TMEM59: variants seen among roughly 807,000 people sequenced by gnomAD.
The protein encoded by TMEM59 is transmembrane protein 59, also known as dendritic cell factor 1.
In TMEM59, 44 loss-of-function variants were observed where a neutral mutation model predicts 42.2. The ratio of observed to expected loss-of-function variants is 1.04; its 90% CI spans 0.82 to 1.34. TMEM59 has a LOEUF of 1.34. Among genes scored for constraint, TMEM59 ranks in the 40% most tolerant of loss-of-function variants. The probability of loss-of-function intolerance (pLI) is 0.00; values close to 1 mark genes in which losing one functional copy is unlikely to be tolerated. For missense variants in TMEM59, 359 were observed against 382.8 expected (o/e 0.94, Z 0.52); for synonymous variants, 148 against 145.8 (o/e 1.02, Z -0.11).
rs1008579388 is a variant in TMEM59, at chr1:54,040,489, G to A, written c.707+267C>T. Among the ~76,000 whole-genome samples the A allele has an allele frequency of 1.2e-4, 18 of 152,308 alleles. No homozygotes were observed. The South Asian group carries it at 3.7e-3, about 32-fold the overall frequency. ...TTAAATTAAAGCTTAATTTAAATGTGTGGAGAAGCACATTCAACATAAATC... is the reference window on the plus strand; with the variant it reads ...TTAAATTAAAGCTTAATTTAAATGTATGGAGAAGCACATTCAACATAAATC... On this transcript the variant is annotated intron_variant, in intron 6 of 7. Coordinates refer to ENST00000234831, the MANE Select transcript of TMEM59 (RefSeq NM_004872.5).
At chr1:54,044,854 C>G (rs1048288662) in intron 3 of TMEM59, 17 of 152,006 alleles carry the variant, frequency 1.1e-4, no homozygotes, top group African/African-American at 4.1e-4. Context: ...TTAGTAGAAG[C>G]TCTTTATGTA....
chr1:54,050,585 CAG>C (rs1657499200), intron 1 of TMEM59, among the ~76,000 whole-genome samples: 1 of 135,510 alleles, frequency 7.4e-6, no homozygotes, highest in Non-Finnish European at 1.5e-5. Flanking sequence ...TTTTTTGATG[CAG>C]AGTTTCCCTC....
rs776829646 is a variant in TMEM59 at position 54,053,072 on chromosome 1, G to A, written c.117C>T (p.Asp39=). The A allele has an allele frequency of 1.9e-6, 3 of 1,614,138 alleles. No homozygotes were observed. The highest frequency in any genetic ancestry group is 1.7e-5 in the Admixed American group (1 of 60,008). The change falls in exon 1 of 8, where the codon GAC becomes GAT. Residue 39 remains aspartate (D), a synonymous_variant. Transcript: ENST00000234831. ...GSGTASAEAF[D]SVLGDTASCH... ...AAGACGCCGTATCACCCAAGACCGA[G>A]TCAAATGCTTCAGCCGAAGCGGTCC...
intron 3 of TMEM59, 82 bp from the exon 4 acceptor site, chr1:54,043,607 A>G (rs748510655): frequency 6.5e-5 from 61 of 941,744 alleles, no homozygotes; most frequent in Non-Finnish European, 8.3e-5. Context: ...GATTACTCCA[A>G]TCCTTATTGG....
At chr1:54,040,430 G>A (rs1657100777) in intron 6 of TMEM59, among the ~76,000 whole-genome samples, 1 of 152,148 alleles carries the variant, frequency 6.6e-6, no homozygotes, top group African/African-American at 2.4e-5. Context: ...TGGGATTACA[G>A]GCATGAGCCA....
intron 6 of TMEM59, among the ~76,000 whole-genome samples, chr1:54,037,998 G>A (rs952010316): frequency 6.6e-6 from 1 of 152,096 alleles, no homozygotes; most frequent in Non-Finnish European, 1.5e-5. Context: ...AGATCCTACA[G>A]ATTTTCAACT....
At chr1:54,053,232 T>G, upstream of TMEM59, 1 of 1,602,244 alleles carries the variant, frequency 6.2e-7, no homozygotes, top group Admixed American at 1.7e-5. Context: ...TGCTGTTTTC[T>G]CGGAAGGGTT....
At chr1:54,053,285 C>A, upstream of TMEM59, 1 of 1,443,522 alleles carries the variant, frequency 6.9e-7, no homozygotes, top group Non-Finnish European at 9.3e-7. Context: ...GCCCCACCGA[C>A]CGTTGCTTCC....
rs534783914 is a variant in TMEM59 at position 54,045,801 on chromosome 1, T to C, written c.296-15A>G. On this transcript the variant is annotated splice_polypyrimidine_tract_variant and intron_variant, in intron 2 of 7. Transcript: ENST00000234831. Reference sequence around the variant, plus strand: ...TTCTGTACATGCTGTAAGAGAAAAATAGTCAAATTACAAGAAACAAAAGAG... The same window carrying C: ...TTCTGTACATGCTGTAAGAGAAAAACAGTCAAATTACAAGAAACAAAAGAG... 1.3e-5 allele frequency: 20 copies of C among 1,584,050 alleles called. No homozygotes were observed. In the East Asian group the frequency reaches 2.3e-4, roughly 18 times the overall value.
intron 1 of TMEM59, among the ~76,000 whole-genome samples, chr1:54,049,428 A>G (rs1236836619): frequency 6.6e-6 from 1 of 152,236 alleles, no homozygotes; most frequent in East Asian, 1.9e-4. Flanking sequence ...CAGGCACTGT[A>G]TTAAGACTTA....
intron 4 of TMEM59, among the ~76,000 whole-genome samples, 172 bp downstream of exon 4, chr1:54,043,201 A>G (rs1324148123): frequency 6.6e-6 from 1 of 152,228 alleles, no homozygotes; most frequent in East Asian, 1.9e-4. Context: ...GGCAAAGGGA[A>G]GGGTAATAAA....
At chr1:54,045,830 GGGAAAGA>G (rs753504233) in intron 2 of TMEM59, 44 bp from the exon 3 acceptor site, 81 of 1,506,262 alleles carry the variant, frequency 5.4e-5, no homozygotes, top group Non-Finnish European at 6.3e-5. Flanking sequence ...AAAAGAGAAA[GGGAAAGA>G]GGAAAGAAAA....
At chr1:54,042,079 G>C (rs1328989850) in intron 4 of TMEM59, among the ~76,000 whole-genome samples, 1 of 149,106 alleles carries the variant, frequency 6.7e-6, no homozygotes, top group Non-Finnish European at 1.5e-5. Flanking sequence ...TTTAAAGGGA[G>C]AGAGGGACAA....
In TMEM59 at chr1:54,045,676, C is replaced by G. The variant is rs55897033; in HGVS notation, c.390+16G>C. On this transcript the variant is annotated intron_variant, in intron 3 of 7. Transcript: ENST00000234831. ...CATCTAAGCAGGCTAGTTTGAAAGG[C>G]AGTATTGTTTCGTACTTGTTCTTGT... The G allele has an allele frequency of 0.011, 17,090 of 1,612,912 alleles. 111 individuals carry two copies. Among genetic ancestry groups the G allele is most frequent in the Non-Finnish European group, 0.013 (15,165 of 1,178,944 alleles).
upstream of TMEM59, chr1:54,053,262 A>AGCCCCCTTCTCC: frequency 6.5e-7 from 1 of 1,547,656 alleles, no homozygotes; most frequent in Non-Finnish European, 8.7e-7. Flanking sequence ...TCCTGGGGCC[A>AGCCCCCTTCTCC]GCCCCCTTCT....
rs560700798 is a variant in TMEM59 at position 54,031,635 on chromosome 1, G to A, written c.*515C>T. ...ATCTAGGTTGGGCAGGAATAGGAGG[G>A]AAGGTCTAGAAAAATCAGATACTCA... On this transcript the variant is annotated 3_prime_UTR_variant, in exon 8 of 8. Transcript: ENST00000234831. The A allele has an allele frequency of 6.5e-6, 1 of 152,798 alleles. No homozygotes were observed. Among genetic ancestry groups the A allele is most frequent in the South Asian group, 2.1e-4 (1 of 4,830 alleles). 9.5% of individuals were successfully genotyped at this position (152,798 alleles called of 1,614,324 possible). A position where few individuals can be genotyped will look rare whatever the true frequency, so the allele number is the denominator to read the frequency against.
Position 54,043,397 on chromosome 1 carries a change from A to T in TMEM59, c.519T>A (p.Asp173Glu). The stretch of plus-strand genomic sequence containing the variant: ...CCTGGAATATAACTATTTTTCCGTC[A>T]TCGGCTTGAAGATAAAAAGTCCATG... ...TSSWTFYLQA[D>E]DGKIVIFQSK... is the part of the protein sequence containing the mutation. The change falls in exon 4 of 8, where the codon GAT (aspartate) becomes GAA (glutamate). Residue 173 changes from aspartate to glutamate, a missense_variant. Physicochemically the swap from Asp to Glu is conservative, Grantham distance 45. Transcript: ENST00000234831. The T allele has an allele frequency of 6.4e-7, 1 of 1,554,252 alleles. No individual in the cohort carries two copies. The highest frequency in any genetic ancestry group is 8.7e-7 in the Non-Finnish European group (1 of 1,153,230).
rs1027598106 is a variant in TMEM59, at chr1:54,028,133, T to G, written c.*4017A>C. The G allele has an allele frequency of 1.3e-5, 2 of 152,106 alleles. No individual in the cohort carries two copies. Among genetic ancestry groups the G allele is most frequent in the African/African-American group, 4.8e-5 (2 of 41,398 alleles). The allele number at this position is 152,106 out of a possible 1,614,324, so 9.4% of individuals were successfully genotyped here. A position where few individuals can be genotyped will look rare whatever the true frequency, so the allele number is the denominator to read the frequency against. ...GGCAAACGTAGAATTAAGAGGATGG[T>G]GATAAGAAACCAGGGATCCATGGGG... On this transcript the variant is annotated 3_prime_UTR_variant, in exon 8 of 8. Transcript: ENST00000234831.
chr1:54,044,810 A>G (rs1475074174), intron 3 of TMEM59: 1 of 152,154 alleles, frequency 6.6e-6, no homozygotes, highest in East Asian at 1.9e-4. Flanking sequence ...AAATTATAAT[A>G]TATCTACACA....
Sources: gnomAD v4.1 joint callset for allele counts (sites outside exome capture counted in the v4.1 genomes callset) on GRCh38, gnomAD v4.1.1 for gene constraint, MANE v1.5 for transcripts, NCBI Gene and HGNC (gene_info 2026-07-23, HGNC 2026-07-21) for gene names.